The following PTPRD variants were observed in gnomAD, a reference collection of about 807,000 sequenced individuals.
PTPRD encodes receptor-type tyrosine-protein phosphatase delta.
In PTPRD, 34 loss-of-function variants were observed where a neutral mutation model predicts 214.5. That is an observed-to-expected ratio of 0.16 (90% CI 0.12 to 0.21). The LOEUF (loss-of-function observed/expected upper bound fraction) is 0.21. Ranked by LOEUF, PTPRD falls within the 10% of genes least tolerant of loss-of-function variation. PTPRD has a pLI of 1.00. For missense variants in PTPRD, 2,545 were observed against 2,398.7 expected (o/e 1.06, Z -1.27); for synonymous variants, 1,128 against 845.7 (o/e 1.33, Z -5.79).
chr9:9,247,846 C>A (rs2099973764), intron 9 of PTPRD, among the ~76,000 whole-genome samples: 1 of 152,046 alleles, frequency 6.6e-6, no homozygotes, highest in African/African-American at 2.4e-5. Flanking sequence ...GATTCTGATG[C>A]ACATTGAAGT....
intron 10 of PTPRD, among the ~76,000 whole-genome samples, chr9:9,177,956 T>C (rs918519022): frequency 6.6e-6 from 1 of 152,124 alleles, no homozygotes; most frequent in African/African-American, 2.4e-5. Context: ...AAACATGAAA[T>C]ATTTTATCGA....
intron 8 of PTPRD, among the ~76,000 whole-genome samples, chr9:9,563,554 T>A (rs532948365): frequency 6.6e-6 from 1 of 152,236 alleles, no homozygotes; most frequent in Non-Finnish European, 1.5e-5. Context: ...AGGGACAGCC[T>A]ACAGAGCTGG....
chr9:10,433,486 G>A (rs1188354307), intron 2 of PTPRD, among the ~76,000 whole-genome samples: 7 of 151,820 alleles, frequency 4.6e-5, no homozygotes, highest in African/African-American at 7.3e-5. Flanking sequence ...TCTGCTCTTT[G>A]CATTTCAGTT....
intron 8 of PTPRD, among the ~76,000 whole-genome samples, chr9:9,437,038 T>C (rs1044862422): frequency 9.9e-5 from 15 of 152,228 alleles, no homozygotes; most frequent in African/African-American, 3.6e-4. Flanking sequence ...TTTTCCTTCA[T>C]TGGAAAATAT....
At chr9:9,435,035 G>A (rs1350872129) in intron 8 of PTPRD, among the ~76,000 whole-genome samples, 1 of 151,832 alleles carries the variant, frequency 6.6e-6, no homozygotes, top group Non-Finnish European at 1.5e-5. Flanking sequence ...AAGTTATGGA[G>A]TAAACTGATA....
intron 10 of PTPRD, among the ~76,000 whole-genome samples, chr9:9,081,028 T>C (rs189747326): frequency 1.9e-4 from 29 of 152,270 alleles, no homozygotes; most frequent in Non-Finnish European, 3.8e-4. Context: ...ATTTCTTTTC[T>C]TCTGCTAGCT....
At chr9:10,177,425 CAAAGG>C (rs1303687015) in intron 3 of PTPRD, among the ~76,000 whole-genome samples, 1 of 130,900 alleles carries the variant, frequency 7.6e-6, no homozygotes, top group Non-Finnish European at 1.6e-5. Context: ...TGCTTCAGAA[CAAAGG>C]AAAGTTGTTA....
chr9:8,875,984 G>A (rs1014047358), intron 11 of PTPRD, among the ~76,000 whole-genome samples: 4 of 152,164 alleles, frequency 2.6e-5, no homozygotes. Context: ...GTAGCCCTAT[G>A]CCTGGAATTC....
intron 8 of PTPRD, among the ~76,000 whole-genome samples, chr9:9,490,872 T>C (rs1315324502): frequency 1.4e-5 from 2 of 146,386 alleles, no homozygotes; most frequent in African/African-American, 5.2e-5. Flanking sequence ...TTATTCCTTA[T>C]TAGTAATTAA....
chr9:9,467,213 CTTTTTTT>C (rs35659936), intron 8 of PTPRD, among the ~76,000 whole-genome samples: 6 of 92,890 alleles, frequency 6.5e-5, no homozygotes, highest in South Asian at 3.8e-4. Context: ...GTTCATTTAT[CTTTTTTT>C]TTTTTTTTTT....
intron 2 of PTPRD, among the ~76,000 whole-genome samples, chr9:10,342,008 T>G (rs188891594): frequency 9.2e-5 from 14 of 152,188 alleles, no homozygotes; most frequent in Non-Finnish European, 7.4e-5. Flanking sequence ...TGCTGTGGCT[T>G]AAGTGTATGC....
At chr9:8,510,798 G>T (rs1307201780) in intron 21 of PTPRD, among the ~76,000 whole-genome samples, 1 of 151,866 alleles carries the variant, frequency 6.6e-6, no homozygotes, top group Non-Finnish European at 1.5e-5. Context: ...AGGACACAAA[G>T]GAATTTTTTT....
chr9:8,914,104 A>T (rs987538232), intron 11 of PTPRD, among the ~76,000 whole-genome samples: 1 of 152,164 alleles, frequency 6.6e-6, no homozygotes, highest in Admixed American at 6.6e-5. Flanking sequence ...AAGAAGCATG[A>T]TTCATGCAGT....
At chr9:8,969,611 A>C (rs1001365309) in intron 11 of PTPRD, among the ~76,000 whole-genome samples, 2 of 152,166 alleles carry the variant, frequency 1.3e-5, no homozygotes, top group East Asian at 3.9e-4. Context: ...TTTTATAAAA[A>C]AGTATGCAAA....
At chr9:8,957,233 G>C (rs947574268) in intron 11 of PTPRD, among the ~76,000 whole-genome samples, 9 of 151,536 alleles carry the variant, frequency 5.9e-5, no homozygotes, top group Non-Finnish European at 1.3e-4. Flanking sequence ...TCTAAATATA[G>C]TCCCCAAATT....
intron 14 of PTPRD, among the ~76,000 whole-genome samples, chr9:8,557,271 C>G (rs1014384693): frequency 1.4e-4 from 21 of 151,862 alleles, no homozygotes; most frequent in African/African-American, 4.8e-4. Context: ...AGCGAACTTC[C>G]TGAAATCAAC....
intron 8 of PTPRD, among the ~76,000 whole-genome samples, chr9:9,572,427 A>C (rs1395947399): frequency 6.6e-6 from 1 of 151,320 alleles, no homozygotes; most frequent in African/African-American, 2.4e-5. Flanking sequence ...AAAACCATAC[A>C]TAAAAGGACA....
chr9:9,628,165 C>G (rs2095480763), intron 7 of PTPRD, among the ~76,000 whole-genome samples: 1 of 152,120 alleles, frequency 6.6e-6, no homozygotes, highest in African/African-American at 2.4e-5. Flanking sequence ...TAGGCTTTAG[C>G]TGACACTATT....
intron 39 of PTPRD, among the ~76,000 whole-genome samples, chr9:8,342,373 T>C (rs985556966): frequency 6.6e-6 from 1 of 152,102 alleles, no homozygotes; most frequent in African/African-American, 2.4e-5. Context: ...CTATAGTTCT[T>C]GCAAACTCTC....
Sources: allele counts gnomAD v4.1 joint callset (sites outside exome capture counted in the v4.1 genomes callset), GRCh38; gene constraint gnomAD v4.1.1; transcripts MANE v1.5; gene names NCBI Gene and HGNC (gene_info 2026-07-23, HGNC 2026-07-21).